ZMAT4: variants seen among roughly 807,000 people sequenced by gnomAD.
The protein encoded by ZMAT4 is zinc finger matrin-type 4.
In ZMAT4, 17 loss-of-function variants were observed where a neutral mutation model predicts 28.7. That is an observed-to-expected ratio of 0.59 (90% CI 0.41 to 0.89). The LOEUF (loss-of-function observed/expected upper bound fraction) is 0.89, where lower values mean the gene tolerates loss of function less well. Among genes scored for constraint, ZMAT4 ranks in the 40% least tolerant of loss-of-function variants. ZMAT4 has a pLI of 0.00. For synonymous variants in ZMAT4, 117 were observed against 109.2 expected, an observed-to-expected ratio of 1.07 and a Z score of -0.44; for missense variants, 240 against 283.8, an observed-to-expected ratio of 0.85 and a Z score of 1.11.
chr8:40,682,508 T>C (rs2150480490), intron 4 of ZMAT4, among the ~76,000 whole-genome samples: 1 of 152,348 alleles, frequency 6.6e-6, no homozygotes, highest in Non-Finnish European at 1.5e-5. Context: ...ACATGATATG[T>C]CTGGATGCGA....
chr8:40,749,751 G>T (rs903433425), intron 3 of ZMAT4, among the ~76,000 whole-genome samples: 10 of 152,146 alleles, frequency 6.6e-5, no homozygotes, highest in Admixed American at 6.5e-4. Flanking sequence ...ATAAAGAAAT[G>T]CAATGCATCA....
Position 40,723,386 on chromosome 8 carries a change from T to C in ZMAT4, c.193-25985A>G, listed in dbSNP as rs147827067. Among the ~76,000 whole-genome samples the C allele has an allele frequency of 9.2e-3, 1,398 of 151,698 alleles. 21 individuals carry two copies. Among genetic ancestry groups the C allele is most frequent in the African/African-American group, 0.032 (1,343 of 41,368 alleles). ...GGTGAAACCCCGTCTCTACCAAAAA[T>C]ACAAAAATTAGCTCGGCATGGTGGC... On this transcript the variant is annotated intron_variant, in intron 3 of 6. Transcript: ENST00000297737.
In ZMAT4 at chr8:40,617,440, C is replaced by T. The variant is rs192692507; in HGVS notation, c.578-36179G>A. Among the ~76,000 whole-genome samples, 5 of 152,270 alleles carry T rather than the reference C, an allele frequency of 3.3e-5. No individual in the cohort carries two copies. In the East Asian group the frequency reaches 7.7e-4, roughly 24 times the overall value. ...GCAATTTCCAACAGTTTCACCTAAA[C>T]GTAATACAGAAAGTTGTTGCAATTT... On this transcript the variant is annotated intron_variant, in intron 5 of 6. Transcript: ENST00000297737.
intron 2 of ZMAT4, among the ~76,000 whole-genome samples, chr8:40,789,806 A>G (rs1814247822): frequency 6.6e-6 from 1 of 152,218 alleles, no homozygotes; most frequent in African/African-American, 2.4e-5. Context: ...CAGGAAGGCA[A>G]ACTACTGTGT....
intron 2 of ZMAT4, among the ~76,000 whole-genome samples, chr8:40,813,354 A>G (rs1309266152): frequency 2.0e-5 from 3 of 152,230 alleles, no homozygotes; most frequent in African/African-American, 4.8e-5. Context: ...AAGAAATTAA[A>G]ATCAGGAAGG....
chr8:40,766,154 C>T (rs974447340), intron 3 of ZMAT4, among the ~76,000 whole-genome samples: 1 of 152,236 alleles, frequency 6.6e-6, no homozygotes, highest in Non-Finnish European at 1.5e-5. Flanking sequence ...AGCACCTTCC[C>T]TGACCAGAGC....
Position 40,701,506 on chromosome 8 carries a change from A to ATT in ZMAT4, c.193-4107_193-4106dup, listed in dbSNP as rs58912869. Among the ~76,000 whole-genome samples, 97 of 73,936 alleles carry ATT rather than the reference A, an allele frequency of 1.3e-3. 3 individuals carry two copies. Among genetic ancestry groups the ATT allele is most frequent in the African/African-American group, 2.0e-3 (39 of 19,476 alleles). The allele number at this position is 73,936 out of a possible 152,430, so 48.5% of individuals were successfully genotyped here. On this transcript the variant is annotated intron_variant, in intron 3 of 6. Transcript: ENST00000297737. ...GCTGGTGGATACACAACTATGCAGA[A>ATT]TTTTTTTTTTTTTTTTTTTTTTTTT... is the stretch of plus-strand genomic sequence containing the variant.
intron 6 of ZMAT4, among the ~76,000 whole-genome samples, chr8:40,573,644 C>T (rs201875958): frequency 6.4e-4 from 97 of 152,292 alleles, no homozygotes; most frequent in African/African-American, 2.3e-3. Flanking sequence ...CATTATTCAA[C>T]CCACTATACA....
chr8:40,823,787 T>A (rs999499233), intron 2 of ZMAT4, among the ~76,000 whole-genome samples: 2 of 152,224 alleles, frequency 1.3e-5, no homozygotes, highest in Non-Finnish European at 2.9e-5. Flanking sequence ...TGGACTTTTT[T>A]AGATAATTCT....
At chr8:40,834,552 A>G (rs1309058108) in intron 1 of ZMAT4, among the ~76,000 whole-genome samples, 2 of 152,140 alleles carry the variant, frequency 1.3e-5, no homozygotes, top group Admixed American at 6.5e-5. Context: ...AGCATTTACT[A>G]TACGGCTGGT....
intron 2 of ZMAT4, among the ~76,000 whole-genome samples, chr8:40,802,473 A>G (rs989701413): frequency 6.6e-6 from 1 of 152,098 alleles, no homozygotes; most frequent in African/African-American, 2.4e-5. Context: ...TATGAATGTT[A>G]GCACACAAAA....
chr8:40,551,726 T>C lies in ZMAT4; in HGVS notation c.675-19488A>G, dbSNP rs549760444. 5.2e-4 allele frequency among the ~76,000 whole-genome samples: 79 copies of C among 152,324 alleles called. 1 individual carries two copies. Among genetic ancestry groups the C allele is most frequent in the South Asian group, 1.5e-3 (7 of 4,822 alleles). ...GATGGGCTCGCTGCTTACCTAATAC[T>C]AGTCTCTCACTTAGGTAGATGCTAT... On this transcript the variant is annotated intron_variant, in intron 6 of 6. Transcript: ENST00000297737.
At chr8:40,794,063 T>A (rs148855552) in intron 2 of ZMAT4, among the ~76,000 whole-genome samples, 2 of 152,098 alleles carry the variant, frequency 1.3e-5, no homozygotes, top group Non-Finnish European at 2.9e-5. Flanking sequence ...GCCAGCTGCC[T>A]TAGGAGACAT....
intron 2 of ZMAT4, among the ~76,000 whole-genome samples, chr8:40,796,961 C>G (rs1029683608): frequency 2.0e-5 from 3 of 152,208 alleles, no homozygotes; most frequent in African/African-American, 7.2e-5. Context: ...TTAGCCAGTT[C>G]GCCTGATCTT....
intron 6 of ZMAT4, among the ~76,000 whole-genome samples, chr8:40,540,597 C>A (rs1436625225): frequency 6.6e-6 from 1 of 152,150 alleles, no homozygotes; most frequent in Non-Finnish European, 1.5e-5. Context: ...TTCTGACATT[C>A]CTTCTAGGTA....
At chr8:40,672,929 G>C (rs920953371) in intron 5 of ZMAT4, among the ~76,000 whole-genome samples, 3 of 152,174 alleles carry the variant, frequency 2.0e-5, no homozygotes, top group African/African-American at 7.2e-5. Context: ...TACTGAAATA[G>C]GAAGCACCAA....
chr8:40,614,173 C>T (rs1224150762), intron 5 of ZMAT4, among the ~76,000 whole-genome samples: 3 of 152,168 alleles, frequency 2.0e-5, no homozygotes, highest in Admixed American at 6.5e-5. Flanking sequence ...TGGGTTTGCA[C>T]CTTGCAAAGG....
At chr8:40,767,579 T>C (rs1258391246) in intron 3 of ZMAT4, 62 bp downstream of exon 3, 52 of 1,436,180 alleles carry the variant, frequency 3.6e-5, no homozygotes, top group Non-Finnish European at 4.9e-5. Flanking sequence ...TTCCTACACC[T>C]GCAAAGTTCT....
intron 3 of ZMAT4, among the ~76,000 whole-genome samples, chr8:40,706,182 A>G (rs1810341999): frequency 6.6e-6 from 1 of 152,178 alleles, no homozygotes; most frequent in Non-Finnish European, 1.5e-5. Flanking sequence ...ACTCCTGAGT[A>G]GCTGGGACTA....
Sources: allele counts gnomAD v4.1 joint callset (sites outside exome capture counted in the v4.1 genomes callset), GRCh38; gene constraint gnomAD v4.1.1; transcripts MANE v1.5; gene names NCBI Gene and HGNC (gene_info 2026-07-23, HGNC 2026-07-21).